Variants in TCF7L1 observed in about 807,000 individuals in gnomAD.
TCF7L1 encodes transcription factor 7-like 1.
TCF7L1 carries 18 observed loss-of-function variants against 63.7 expected under a neutral mutation model. The observed-to-expected ratio is 0.28, with a 90% confidence interval of 0.20 to 0.42. The LOEUF is 0.42. Among genes scored for constraint, TCF7L1 ranks in the 10% least tolerant of loss-of-function variants. The pLI, the probability that TCF7L1 is intolerant of heterozygous loss-of-function variation, is 1.00. For missense variants in TCF7L1, 654 were observed against 779.3 expected (o/e 0.84, Z 1.91); for synonymous variants, 355 against 340.9 (o/e 1.04, Z -0.46).
intron 3 of TCF7L1, among the ~76,000 whole-genome samples, chr2:85,158,565 T>G (rs1384900824): frequency 2.0e-5 from 3 of 152,210 alleles, no homozygotes; most frequent in African/African-American, 7.2e-5. Flanking sequence ...CTAAGAAAAG[T>G]CATTGTGTCT....
At chr2:85,240,681 C>T (rs1174648384) in intron 3 of TCF7L1, among the ~76,000 whole-genome samples, 2 of 150,748 alleles carry the variant, frequency 1.3e-5, no homozygotes, top group Non-Finnish European at 2.9e-5. Flanking sequence ...TACTCTGAGG[C>T]AGGAGAATCG....
chr2:85,233,819 T>C (rs1234231150), intron 3 of TCF7L1: 1 of 152,200 alleles, frequency 6.6e-6, no homozygotes, highest in Non-Finnish European at 1.5e-5. Flanking sequence ...ATTCGTATGG[T>C]GTGTAGCCTT....
At chr2:85,171,925 C>T (rs374889735) in intron 3 of TCF7L1, among the ~76,000 whole-genome samples, 1 of 152,046 alleles carries the variant, frequency 6.6e-6, no homozygotes, top group African/African-American at 2.4e-5. Context: ...CATCTTCCCC[C>T]CTCCCCCCAC....
chr2:85,294,054 T>TTTTTTTTG (rs1681789419), intron 4 of TCF7L1, among the ~76,000 whole-genome samples: 1 of 137,066 alleles, frequency 7.3e-6, no homozygotes, highest in Non-Finnish European at 1.6e-5. Context: ...TTTTTTTTTT[T>TTTTTTTTG]GAGATGGGGT....
intron 3 of TCF7L1, among the ~76,000 whole-genome samples, chr2:85,216,597 C>CGTAT (rs1422869508): frequency 6.6e-6 from 1 of 152,214 alleles, no homozygotes; most frequent in Admixed American, 6.5e-5. Context: ...TTCTAGAAGG[C>CGTAT]GTATGTTGGG....
intron 3 of TCF7L1, among the ~76,000 whole-genome samples, chr2:85,202,117 C>T (rs574620913): frequency 9.9e-5 from 15 of 152,156 alleles, no homozygotes; most frequent in South Asian, 8.3e-4. Flanking sequence ...CACATGTCAC[C>T]ATGCCCAGTT....
chr2:85,260,407 C>T (rs1019525853), intron 3 of TCF7L1, among the ~76,000 whole-genome samples: 3 of 151,794 alleles, frequency 2.0e-5, no homozygotes, highest in Middle Eastern at 3.4e-3. Flanking sequence ...GAGGTTGAGG[C>T]GGGCAGATTG....
intron 3 of TCF7L1, among the ~76,000 whole-genome samples, chr2:85,269,225 C>T (rs1681087109): frequency 6.6e-6 from 1 of 152,152 alleles, no homozygotes; most frequent in African/African-American, 2.4e-5. Flanking sequence ...CAACCATATT[C>T]CCTGGATGTC....
chr2:85,246,137 CG>C (rs1680458800), intron 3 of TCF7L1, among the ~76,000 whole-genome samples: 1 of 152,014 alleles, frequency 6.6e-6, no homozygotes, highest in South Asian at 2.1e-4. Flanking sequence ...AGTGCCATCC[CG>C]GCAAGTGAAA....
chr2:85,190,570 T>C (rs1679020807), intron 3 of TCF7L1, among the ~76,000 whole-genome samples: 1 of 152,182 alleles, frequency 6.6e-6, no homozygotes. Context: ...TGGGAACCTC[T>C]GGCACCTGAT....
intron 3 of TCF7L1, among the ~76,000 whole-genome samples, chr2:85,242,475 C>T (rs990332268): frequency 9.8e-5 from 15 of 152,344 alleles, no homozygotes; most frequent in South Asian, 4.1e-4. Context: ...TGACCACAGC[C>T]GTTATGACAG....
At chr2:85,174,079 A>G (rs909062226) in intron 3 of TCF7L1, among the ~76,000 whole-genome samples, 3 of 152,108 alleles carry the variant, frequency 2.0e-5, no homozygotes, top group Non-Finnish European at 4.4e-5. Context: ...TTTTCAATAT[A>G]TTCACAGGAT....
intron 3 of TCF7L1, chr2:85,186,477 T>G (rs1315080253): frequency 6.6e-6 from 1 of 152,190 alleles, no homozygotes; most frequent in East Asian, 1.9e-4. Flanking sequence ...TCCTGTTGTT[T>G]CCATGATGAG....
At chr2:85,220,958 G>A (rs1434885995) in intron 3 of TCF7L1, among the ~76,000 whole-genome samples, 1 of 152,082 alleles carries the variant, frequency 6.6e-6, no homozygotes, top group South Asian at 2.1e-4. Context: ...GAGCTGATTC[G>A]ATGTATGAAG....
At position 85,267,415 on chromosome 2, in the gene TCF7L1, C is replaced by T. The variant is rs566192954; in HGVS notation, c.442-16080C>T. ...CTGTAATCTCAGCACTTTGGGAGGC[C>T]GAGGCAGGTGGATCACTTGAGGTCA... On this transcript the variant is annotated intron_variant, in intron 3 of 11. Coordinates refer to ENST00000282111, the MANE Select transcript of TCF7L1 (RefSeq NM_031283.3). 1.7e-4 allele frequency among the ~76,000 whole-genome samples: 26 copies of T among 150,996 alleles called. No homozygotes were observed. In the South Asian group the frequency reaches 5.3e-3, roughly 31 times the overall value.
chr2:85,195,797 T>C (rs1433661614), intron 3 of TCF7L1, among the ~76,000 whole-genome samples: 1 of 152,160 alleles, frequency 6.6e-6, no homozygotes, highest in African/African-American at 2.4e-5. Context: ...TCCTCCTGCC[T>C]CGGCCTCCCA....
Position 85,283,372 on chromosome 2 carries a change from G to C in TCF7L1, c.442-123G>C, listed in dbSNP as rs147398487. On this transcript the variant is annotated intron_variant, in intron 3 of 11. Transcript: ENST00000282111. ...AAATTGACCCAGTACAGGGCATGTGGCATGAAAATGCAGGCCACCCCAATG... is the reference window on the plus strand; with the variant it reads ...AAATTGACCCAGTACAGGGCATGTGCCATGAAAATGCAGGCCACCCCAATG... 12 of 899,874 alleles carry C rather than the reference G, an allele frequency of 1.3e-5. No individual in the cohort carries two copies. The African/African-American group carries it at 1.7e-4, about 12-fold the overall frequency. The allele number at this position is 899,874 out of a possible 1,614,324, so 55.7% of individuals were successfully genotyped here.
intron 3 of TCF7L1, among the ~76,000 whole-genome samples, chr2:85,253,914 A>G (rs1680647331): frequency 6.6e-6 from 1 of 152,268 alleles, no homozygotes; most frequent in Admixed American, 6.5e-5. Context: ...TAGCTCAGCC[A>G]GACCCCACTG....
chr2:85,141,281 C>T lies in TCF7L1; in HGVS notation c.441+6831C>T, dbSNP rs551215061. Reference sequence around the variant, plus strand: ...AAAAATAAGAGGAGCTTTTGGAATTCAGCTATTAGGAAGTTACTGGTGCCC... The same window carrying T: ...AAAAATAAGAGGAGCTTTTGGAATTTAGCTATTAGGAAGTTACTGGTGCCC... On this transcript the variant is annotated intron_variant, in intron 3 of 11. Transcript: ENST00000282111. 1.5e-4 allele frequency among the ~76,000 whole-genome samples: 23 copies of T among 152,248 alleles called. No individual in the cohort carries two copies. The East Asian group carries it at 4.2e-3, about 28-fold the overall frequency.
Sources: allele counts gnomAD v4.1 joint callset (sites outside exome capture counted in the v4.1 genomes callset), GRCh38; gene constraint gnomAD v4.1.1; transcripts MANE v1.5; gene names NCBI Gene and HGNC (gene_info 2026-07-23, HGNC 2026-07-21).